DACH2: variants seen among roughly 807,000 people sequenced by gnomAD.
DACH2 encodes dachshund homolog 2.
Under a neutral mutation model 35.8 loss-of-function variants are expected in DACH2, and 17 were observed. The ratio of observed to expected loss-of-function variants is 0.48; its 90% CI spans 0.33 to 0.71. The LOEUF is 0.71. Ranked by LOEUF, DACH2 falls within the 30% of genes least tolerant of loss-of-function variation. The probability of loss-of-function intolerance (pLI) is 0.02; values close to 1 mark genes in which losing one functional copy is unlikely to be tolerated. For missense variants in DACH2, 469 were observed against 472.7 expected (o/e 0.99, Z 0.07); for synonymous variants, 195 against 177.3 (o/e 1.10, Z -0.79).
intron 1 of DACH2, among the ~76,000 whole-genome samples, chrX:86,346,707 T>A (rs1411965807): frequency 1.8e-5 from 2 of 111,881 alleles, no homozygotes; most frequent in African/African-American, 3.2e-5. Flanking sequence ...ATTGTTCTGT[T>A]AAAGATGAAT....
chrX:86,437,737 C>A (rs1437007741), intron 2 of DACH2, among the ~76,000 whole-genome samples: 1 of 110,713 alleles, frequency 9.0e-6, no homozygotes, highest in Non-Finnish European at 1.9e-5. Flanking sequence ...CTGCAATTAA[C>A]CTGTGAGTGC....
At chrX:86,268,915 C>G (rs186592343) in intron 1 of DACH2, among the ~76,000 whole-genome samples, 77 of 111,023 alleles carry the variant, frequency 6.9e-4, no homozygotes, top group Admixed American at 4.9e-4. Context: ...GGCATGCGAT[C>G]TATAATAATC....
intron 2 of DACH2, among the ~76,000 whole-genome samples, chrX:86,432,515 C>T (rs974187780): frequency 2.7e-5 from 3 of 111,673 alleles, no homozygotes; most frequent in African/African-American, 6.5e-5. Context: ...ACCAGAAATG[C>T]GAAGAAATAT....
At chrX:86,715,276 T>C (rs371213546) in intron 6 of DACH2, among the ~76,000 whole-genome samples, 5 of 111,568 alleles carry the variant, frequency 4.5e-5, no homozygotes, top group African/African-American at 1.6e-4. Context: ...GTAAAATATA[T>C]GTAAAAACCT....
At chrX:86,414,272 G>A (rs1602493888) in intron 2 of DACH2, among the ~76,000 whole-genome samples, 1 of 110,847 alleles carries the variant, frequency 9.0e-6, no homozygotes, top group African/African-American at 3.3e-5. Flanking sequence ...AATGCAGTAG[G>A]CTTCCTATCG....
chrX:86,512,975 G>A (rs1190877016), intron 2 of DACH2: 1 of 323,172 alleles, frequency 3.1e-6, no homozygotes, highest in African/African-American at 2.7e-5. Flanking sequence ...GAGAAAAACA[G>A]AATCTTTTGC....
At chrX:86,434,642 G>T (rs758052434) in intron 2 of DACH2, among the ~76,000 whole-genome samples, 17 of 111,721 alleles carry the variant, frequency 1.5e-4, no homozygotes, top group Admixed American at 5.7e-4. Context: ...CCCTTTTTGT[G>T]TACATCCATA....
chrX:86,205,978 C>T (rs1189726186), intron 1 of DACH2, among the ~76,000 whole-genome samples: 1 of 112,007 alleles, frequency 8.9e-6, no homozygotes, highest in Non-Finnish European at 1.9e-5. Context: ...GATACATATT[C>T]TCTCACTGAC....
chrX:86,645,401 CAT>C (rs971306373), intron 3 of DACH2, among the ~76,000 whole-genome samples: 6 of 110,873 alleles, frequency 5.4e-5, no homozygotes, highest in African/African-American at 2.0e-4. Context: ...AAAAAATTAA[CAT>C]ATGCTGGCAA....
intron 1 of DACH2, among the ~76,000 whole-genome samples, chrX:86,335,089 G>A (rs897374661): frequency 9.0e-6 from 1 of 111,058 alleles, no homozygotes; most frequent in East Asian, 2.9e-4. Flanking sequence ...CACTATTTCC[G>A]AGGCCTCTGT....
chrX:86,597,096 A>C (rs1456898044), intron 3 of DACH2, among the ~76,000 whole-genome samples: 1 of 111,606 alleles, frequency 9.0e-6, no homozygotes, highest in Non-Finnish European at 1.9e-5. Flanking sequence ...TTTCTTTTCC[A>C]AGATGTTTTG....
At chrX:86,683,199 T>C (rs1389332831) in intron 4 of DACH2, among the ~76,000 whole-genome samples, 1 of 111,799 alleles carries the variant, frequency 8.9e-6, no homozygotes, top group Non-Finnish European at 1.9e-5. Flanking sequence ...TGGCAAAAGT[T>C]ATTCTCCATT....
chrX:86,502,809 C>A (rs1333361170), intron 2 of DACH2, among the ~76,000 whole-genome samples: 1 of 112,064 alleles, frequency 8.9e-6, no homozygotes, highest in Non-Finnish European at 1.9e-5. Context: ...GTGGCCAGAA[C>A]AGCTTCGAAT....
At chrX:86,511,121 C>G (rs2038390447) in intron 2 of DACH2, among the ~76,000 whole-genome samples, 1 of 111,461 alleles carries the variant, frequency 9.0e-6, no homozygotes, top group African/African-American at 3.3e-5. Flanking sequence ...TAATACAGCT[C>G]TTAAAGATAA....
chrX:86,608,490 G>T (rs1182551054), intron 3 of DACH2, among the ~76,000 whole-genome samples: 1 of 112,080 alleles, frequency 8.9e-6, no homozygotes, highest in Non-Finnish European at 1.9e-5. Flanking sequence ...ACAGTTAACA[G>T]TGTTATTACA....
intron 1 of DACH2, chrX:86,161,144 G>T: frequency 8.8e-7 from 1 of 1,140,765 alleles, no homozygotes; most frequent in Non-Finnish European, 1.2e-6. Flanking sequence ...CTTCCTTAAC[G>T]ATTTCCTCAT....
chrX:86,587,497 C>T (rs2039589209), intron 3 of DACH2, among the ~76,000 whole-genome samples: 2 of 111,210 alleles, frequency 1.8e-5, no homozygotes, highest in South Asian at 7.5e-4. Context: ...TGTAGGTTTT[C>T]ATGGGGAATA....
At chrX:86,727,550 T>C (rs923633354) in intron 6 of DACH2, among the ~76,000 whole-genome samples, 1 of 111,177 alleles carries the variant, frequency 9.0e-6, no homozygotes, top group Non-Finnish European at 1.9e-5. Context: ...AGCCAGGGCC[T>C]GGTGGAAGGT....
At chrX:86,383,328 T>TA (rs2036074513) in intron 2 of DACH2, among the ~76,000 whole-genome samples, 1 of 108,440 alleles carries the variant, frequency 9.2e-6, no homozygotes, top group Non-Finnish European at 1.9e-5. Context: ...AAGGAGGAAA[T>TA]ATGAACATTG....
Sources: allele counts gnomAD v4.1 joint callset (sites outside exome capture counted in the v4.1 genomes callset), GRCh38; gene constraint gnomAD v4.1.1; transcripts MANE v1.5; gene names NCBI Gene and HGNC (gene_info 2026-07-23, HGNC 2026-07-21).